Variants in CADM4 observed in about 807,000 individuals in gnomAD.
CADM4 encodes TSLC1-like 2.
A neutral mutation model predicts 43.9 loss-of-function variants in CADM4; 13 were observed. The observed-to-expected ratio is 0.30, with a 90% CI of 0.19 to 0.47. The LOEUF (loss-of-function observed/expected upper bound fraction) is 0.47. Among genes scored for constraint, CADM4 ranks in the 20% least tolerant of loss-of-function variants. CADM4 has a pLI of 1.00. For synonymous variants in CADM4, 209 were observed against 220.9 expected, an observed-to-expected ratio of 0.95 and a Z score of 0.48; for missense variants, 420 against 527.0, an observed-to-expected ratio of 0.80 and a Z score of 1.99.
rs1310483319 is a variant in CADM4 at position 43,639,819 on chromosome 19, G to T, written c.-29C>A. ...GCCGCCGCCGCCGCCGCCGCCGCTCGCTCCCGGCCCGGCACCTGCACCGCC... is the reference window on the plus strand; with the variant it reads ...GCCGCCGCCGCCGCCGCCGCCGCTCTCTCCCGGCCCGGCACCTGCACCGCC... On this transcript the variant is annotated 5_prime_UTR_variant, in exon 1 of 9. Coordinates refer to ENST00000222374, the MANE Select transcript of CADM4 (RefSeq NM_145296.2). The T allele has an allele frequency of 9.1e-6, 9 of 992,926 alleles. No homozygotes were observed. The highest frequency in any genetic ancestry group is 1.1e-5 in the Non-Finnish European group (9 of 839,462). The allele number at this position is 992,926 out of a possible 1,614,324, so 61.5% of individuals were successfully genotyped here.
At chr19:43,628,965 C>T (rs780847824) in intron 1 of CADM4, among the ~76,000 whole-genome samples, 2 of 152,222 alleles carry the variant, frequency 1.3e-5, no homozygotes, top group Non-Finnish European at 2.9e-5. Flanking sequence ...AACTGCTGAA[C>T]CCCAGAATCA....
chr19:43,631,398 G>A (rs1045196298), intron 1 of CADM4, among the ~76,000 whole-genome samples: 4 of 151,980 alleles, frequency 2.6e-5, no homozygotes, highest in African/African-American at 9.7e-5. Flanking sequence ...TCTGTAAGAG[G>A]GTAGGTAACC....
At chr19:43,640,071 T>G, upstream of CADM4, among the ~76,000 whole-genome samples, 2 of 136,828 alleles carry the variant, frequency 1.5e-5, no homozygotes, top group Non-Finnish European at 1.6e-5. Flanking sequence ...TGGGAGCAGG[T>G]GGGGGATCTC....
Position 43,627,436 on chromosome 19 carries a change from G to A in CADM4, c.212-118C>T. 1 of 1,302,968 alleles carries A rather than the reference G, an allele frequency of 7.7e-7. No homozygotes were observed. Among genetic ancestry groups the A allele is most frequent in the Non-Finnish European group, 1.0e-6 (1 of 965,820 alleles). 80.7% of individuals were successfully genotyped at this position (1,302,968 alleles called of 1,614,324 possible). A position where few individuals can be genotyped will look rare whatever the true frequency, so the allele number is the denominator to read the frequency against. On this transcript the variant is annotated intron_variant, in intron 2 of 8. Transcript: ENST00000222374. This position sits in a 1 kb window ranked among gnomAD's most constrained non-coding sequence, Gnocchi z 4.0. ...CTCTTTTCTCCAGCCATATCTATGA[G>A]TCTGAGGTGTCCAACTATTTACTCC...
intron 1 of CADM4, among the ~76,000 whole-genome samples, chr19:43,636,801 C>T (rs1973710966): frequency 6.6e-6 from 1 of 151,848 alleles, no homozygotes; most frequent in Non-Finnish European, 1.5e-5. Context: ...GTGGGGGGGT[C>T]AGTGATAGAA....
chr19:43,627,317 G>A lies in CADM4; in HGVS notation c.213C>T (p.Ala71=). ...CAAGCTGGAAACGCTCATCCTTCAA[G>A]GCTAGAGAGAGTGAGGGGGAAGGTG... ...RQTLFFNGTR[A]LKDERFQLEE... Residue 71 remains alanine (A), a splice_region_variant and synonymous_variant, in exon 3 of 9, where the codon GCC becomes GCT. Transcript: ENST00000222374. The surrounding 1 kb of genome is among the most constrained non-coding windows in gnomAD (Gnocchi z 4.0). 2.5e-6 allele frequency: 4 copies of A among 1,576,824 alleles called. No homozygotes were observed. Among genetic ancestry groups the A allele is most frequent in the Middle Eastern group, 3.4e-4 (2 of 5,920 alleles).
intron 1 of CADM4, among the ~76,000 whole-genome samples, chr19:43,636,300 G>A (rs1022467080): frequency 6.6e-6 from 1 of 152,066 alleles, no homozygotes; most frequent in Non-Finnish European, 1.5e-5. Context: ...CCAGGGAGTG[G>A]GGAGTCCCCC....
Position 43,623,946 on chromosome 19 carries a change from G to T in CADM4, c.1057+168C>A, listed in dbSNP as rs867401386. On this transcript the variant is annotated intron_variant, in intron 8 of 8. Transcript: ENST00000222374. The surrounding 1 kb of genome is among the most constrained non-coding windows in gnomAD (Gnocchi z 4.4). Reference sequence around the variant, plus strand: ...CAGCTTCTAAATTCTACCCCTTTTCGAGTATTGTGCCGAAAGCCCCGCCCC... The same window carrying T: ...CAGCTTCTAAATTCTACCCCTTTTCTAGTATTGTGCCGAAAGCCCCGCCCC... Among the ~76,000 whole-genome samples, 1 of 152,078 alleles carries T rather than the reference G, an allele frequency of 6.6e-6. No individual in the cohort carries two copies. The highest frequency in any genetic ancestry group is 1.5e-5 in the Non-Finnish European group (1 of 68,010).
intron 1 of CADM4, among the ~76,000 whole-genome samples, chr19:43,631,614 TCCAGTTG>T (rs1973626742): frequency 6.6e-6 from 1 of 152,228 alleles, no homozygotes; most frequent in African/African-American, 2.4e-5. Flanking sequence ...TAAAATTTTG[TCCAGTTG>T]GATATAAGCC....
intron 1 of CADM4, among the ~76,000 whole-genome samples, chr19:43,634,254 G>A (rs1459774686): frequency 6.6e-6 from 1 of 152,220 alleles, no homozygotes; most frequent in East Asian, 1.9e-4. Context: ...ACATGCCCAT[G>A]CATGTGAAAA....
In CADM4 at chr19:43,627,058, A is replaced by T; in HGVS notation, c.364+108T>A. ...TCAAAGGGGAGAGGTCAGGAGCCAG[A>T]TGCCCATCCAGGATGTTAAAAATAG... is the stretch of plus-strand genomic sequence containing the variant. On this transcript the variant is annotated intron_variant, in intron 3 of 8. Coordinates refer to ENST00000222374, the MANE Select transcript of CADM4 (RefSeq NM_145296.2). This position sits in a 1 kb window ranked among gnomAD's most constrained non-coding sequence, Gnocchi z 4.0. 1 of 1,483,202 alleles carries T rather than the reference A, an allele frequency of 6.7e-7. No individual in the cohort carries two copies. Among genetic ancestry groups the T allele is most frequent in the Non-Finnish European group, 9.0e-7 (1 of 1,105,228 alleles). 91.9% of individuals were successfully genotyped at this position (1,483,202 alleles called of 1,614,324 possible).
At chr19:43,635,453 A>T (rs1262072631) in intron 1 of CADM4, among the ~76,000 whole-genome samples, 1 of 114,422 alleles carries the variant, frequency 8.7e-6, no homozygotes, top group Admixed American at 8.2e-5. Context: ...CTCCCTCAGA[A>T]ACCTGCAGTG....
intron 1 of CADM4, among the ~76,000 whole-genome samples, chr19:43,636,161 C>G (rs953092300): frequency 6.6e-6 from 1 of 152,142 alleles, no homozygotes; most frequent in African/African-American, 2.4e-5. Context: ...CTGTCCCCTC[C>G]CATCTGGGGA....
rs1879387 is a variant in CADM4, at chr19:43,623,109, C to G, written c.*221G>C. On this transcript the variant is annotated 3_prime_UTR_variant, in exon 9 of 9. Coordinates refer to ENST00000222374, the MANE Select transcript of CADM4 (RefSeq NM_145296.2). This position sits in a 1 kb window ranked among gnomAD's most constrained non-coding sequence, Gnocchi z 4.4. ...CTTGGGGGGTCTGGACCTTTGGCCCCTGCCCCCTGGGGGACCCAGACCTCT... is the reference window on the plus strand; with the variant it reads ...CTTGGGGGGTCTGGACCTTTGGCCCGTGCCCCCTGGGGGACCCAGACCTCT... The G allele has an allele frequency of 0.12, 68,658 of 550,600 alleles. 5,119 individuals carry two copies. The highest frequency in any genetic ancestry group is 0.2 in the Admixed American group (6,390 of 31,892). The allele number at this position is 550,600 out of a possible 1,614,324, so 34.1% of individuals were successfully genotyped here.
Position 43,625,849 on chromosome 19 carries a change from C to G in CADM4, c.755+62G>C, listed in dbSNP as rs1973516428. 7.1e-7 allele frequency: 1 copy of G among 1,407,576 alleles called. No homozygotes were observed. The highest frequency in any genetic ancestry group is 1.4e-5 in the African/African-American group (1 of 70,790). 87.2% of individuals were successfully genotyped at this position (1,407,576 alleles called of 1,614,324 possible). A position where few individuals can be genotyped will look rare whatever the true frequency, so the allele number is the denominator to read the frequency against. ...GGACCCAGGAGTCCAAGTCCCTGGT[C>G]CCTGTTCTTCCAGGTCCCCAGCTTT... On this transcript the variant is annotated intron_variant, in intron 6 of 8. Transcript: ENST00000222374. This position sits in a 1 kb window ranked among gnomAD's most constrained non-coding sequence, Gnocchi z 4.5.
At chr19:43,636,685 C>A (rs1173429921) in intron 1 of CADM4, among the ~76,000 whole-genome samples, 1 of 151,492 alleles carries the variant, frequency 6.6e-6, no homozygotes, top group Non-Finnish European at 1.5e-5. Flanking sequence ...ATTAACCCAG[C>A]CTTAGGCCCC....
rs1973541161 is a variant in CADM4 at position 43,627,103 on chromosome 19, G to A, written c.364+63C>T. ...AAATAGCCATGGTCTGAAAGTCTCA[G>A]GAGAAGAGAGAAGCAGAGAAGAAAG... is the stretch of plus-strand genomic sequence containing the variant. On this transcript the variant is annotated intron_variant, in intron 3 of 8. Transcript: ENST00000222374. This position sits in a 1 kb window ranked among gnomAD's most constrained non-coding sequence, Gnocchi z 4.0. The A allele has an allele frequency of 6.6e-7, 1 of 1,515,482 alleles. No homozygotes were observed. The allele number at this position is 1,515,482 out of a possible 1,614,324, so 93.9% of individuals were successfully genotyped here. A position where few individuals can be genotyped will look rare whatever the true frequency, so the allele number is the denominator to read the frequency against.
chr19:43,626,858 T>C lies in CADM4; in HGVS notation c.425A>G (p.Glu142Gly). ...REQAVEGGEV[E>G]LSCLVPRSRP... ...GGACCGCGGAACGAGGCAGCTGAGC[T>C]CCACCTCGCCGCCCTCTACCGCCTG... Residue 142 changes from glutamate (E) to glycine (G), a missense_variant, in exon 4 of 9, where the codon GAG (glutamate) becomes GGG (glycine). Physicochemically the swap from Glu to Gly is moderately conservative, Grantham distance 98. Transcript: ENST00000222374. The surrounding 1 kb of genome is among the most constrained non-coding windows in gnomAD (Gnocchi z 5.9). The C allele has an allele frequency of 6.2e-7, 1 of 1,610,716 alleles. No homozygotes were observed. Among genetic ancestry groups the C allele is most frequent in the Non-Finnish European group, 8.5e-7 (1 of 1,179,082 alleles).
chr19:43,641,879 A>G (rs1973774141), upstream of CADM4, among the ~76,000 whole-genome samples: 1 of 152,202 alleles, frequency 6.6e-6, no homozygotes, highest in Admixed American at 6.5e-5. Context: ...GCAGGAGCCA[A>G]TAGGCCCGCT....
Sources: allele counts gnomAD v4.1 joint callset (sites outside exome capture counted in the v4.1 genomes callset), GRCh38; gene constraint gnomAD v4.1.1; non-coding constraint Gnocchi (gnomAD v3.1); transcripts MANE v1.5; gene names NCBI Gene and HGNC (gene_info 2026-07-23, HGNC 2026-07-21).